PRKG1: variants seen among roughly 807,000 people sequenced by gnomAD.
PRKG1 encodes the protein protein kinase cGMP-dependent 1.
In PRKG1, 35 loss-of-function variants were observed where a neutral mutation model predicts 88.1. That is an observed-to-expected ratio of 0.40 (90% confidence interval 0.30 to 0.53). PRKG1 has a LOEUF of 0.53. PRKG1 is among the 20% of genes least tolerant of loss of function. The probability of loss-of-function intolerance (pLI) is 0.59; values close to 1 mark genes in which losing one functional copy is unlikely to be tolerated. For synonymous variants in PRKG1, 303 were observed against 292.5 expected (o/e 1.04, Z -0.37); for missense variants, 540 against 839.8 (o/e 0.64, Z 4.41).
chr10:51,808,839 G>A (rs187478693), intron 4 of PRKG1, among the ~76,000 whole-genome samples: 14 of 152,180 alleles, frequency 9.2e-5, no homozygotes, highest in African/African-American at 3.1e-4. Context: ...GAAAACTCTA[G>A]CAAAGGATCA....
intron 2 of PRKG1, among the ~76,000 whole-genome samples, chr10:51,175,022 A>C (rs1329496200): frequency 6.6e-6 from 1 of 151,984 alleles, no homozygotes; most frequent in Non-Finnish European, 1.5e-5. Flanking sequence ...ATGTAAAAGG[A>C]TTTGTGAATT....
In PRKG1 at chr10:51,941,703, G is replaced by A. The variant is rs184903723; in HGVS notation, c.762+34133G>A. On this transcript the variant is annotated intron_variant, in intron 5 of 17. Coordinates refer to ENST00000373980, the MANE Select transcript of PRKG1 (RefSeq NM_006258.4). ...CCACCTATGAATAAGAACATGTGGT[G>A]TTTGGTTTTTTGTCCTTGCGATAGT... Among the ~76,000 whole-genome samples the A allele has an allele frequency of 9.3e-5, 14 of 150,552 alleles. No individual in the cohort carries two copies. The East Asian group carries it at 2.7e-3, about 29-fold the overall frequency.
chr10:51,750,419 A>G (rs1475360103), intron 3 of PRKG1, among the ~76,000 whole-genome samples: 1 of 152,218 alleles, frequency 6.6e-6, no homozygotes, highest in African/African-American at 2.4e-5. Context: ...TTTTGCCTTT[A>G]CGGACATGTG....
chr10:51,814,110 C>A (rs1032708412), intron 4 of PRKG1, among the ~76,000 whole-genome samples: 1 of 152,112 alleles, frequency 6.6e-6, no homozygotes, highest in Non-Finnish European at 1.5e-5. Flanking sequence ...TAACCTCCTG[C>A]CTTTGAGTTC....
intron 2 of PRKG1, among the ~76,000 whole-genome samples, chr10:51,408,633 G>T (rs1430544143): frequency 6.6e-6 from 1 of 152,180 alleles, no homozygotes; most frequent in Admixed American, 6.5e-5. Flanking sequence ...GTTGGTCTCT[G>T]CTGCTGGCAA....
chr10:51,163,776 C>T (rs886792183), intron 2 of PRKG1, among the ~76,000 whole-genome samples: 78 of 152,308 alleles, frequency 5.1e-4, no homozygotes, highest in African/African-American at 1.8e-3. Context: ...CCTACGCCCA[C>T]GGAGTCTCGC....
rs562449851 is a variant in PRKG1, at chr10:52,295,379, T to A, written c.*1479T>A. 11 of 152,158 alleles carry A rather than the reference T, an allele frequency of 7.2e-5. No homozygotes were observed. The South Asian group carries it at 2.1e-3, about 29-fold the overall frequency. 9.4% of individuals were successfully genotyped at this position (152,158 alleles called of 1,614,324 possible). A position where few individuals can be genotyped will look rare whatever the true frequency, so the allele number is the denominator to read the frequency against. The stretch of plus-strand genomic sequence containing the variant: ...AATAGAATTACTACAATTCTGCAAT[T>A]TCATACTACCTAAAAAAGACTAGAT... On this transcript the variant is annotated 3_prime_UTR_variant, in exon 18 of 18. Coordinates refer to ENST00000373980, the MANE Select transcript of PRKG1 (RefSeq NM_006258.4).
At chr10:51,007,265 G>A (rs1033687489) in intron 1 of PRKG1, among the ~76,000 whole-genome samples, 1 of 152,192 alleles carries the variant, frequency 6.6e-6, no homozygotes, top group South Asian at 2.1e-4. Context: ...TTCTTAATTT[G>A]TAGTTATCTC....
In PRKG1 at chr10:51,776,157, T is replaced by C. The variant is rs188165939; in HGVS notation, c.593-28428T>C. ...TGTTTATCTACCCAAAGACCCCTGA[T>C]TAACATTCAAAAAATGATGTTATTT... On this transcript the variant is annotated intron_variant, in intron 3 of 17. Coordinates refer to ENST00000373980, the MANE Select transcript of PRKG1 (RefSeq NM_006258.4). Among the ~76,000 whole-genome samples the C allele has an allele frequency of 5.6e-4, 85 of 152,214 alleles. 2 individuals are homozygous for C. The East Asian group carries it at 0.012, about 21-fold the overall frequency.
chr10:51,699,492 C>G (rs1349452146), intron 3 of PRKG1: 1 of 1,613,742 alleles, frequency 6.2e-7, no homozygotes, highest in Non-Finnish European at 8.5e-7. Flanking sequence ...ATGTTCCCCA[C>G]GAACACGGAA....
At chr10:51,349,319 T>C (rs1231033837) in intron 2 of PRKG1, among the ~76,000 whole-genome samples, 6 of 152,202 alleles carry the variant, frequency 3.9e-5, no homozygotes, top group East Asian at 1.9e-4. Context: ...ACCATACTTA[T>C]ATCATCTCTG....
At chr10:51,104,782 T>A (rs190679800) in intron 1 of PRKG1, among the ~76,000 whole-genome samples, 30 of 151,848 alleles carry the variant, frequency 2.0e-4, no homozygotes, top group African/African-American at 5.8e-4. Context: ...CAGGCTGGAG[T>A]GCAATGACAC....
At position 51,170,650 on chromosome 10, in the gene PRKG1, C is replaced by T. The variant is rs117255469; in HGVS notation, c.478+17320C>T. 5.7e-3 allele frequency among the ~76,000 whole-genome samples: 860 copies of T among 151,122 alleles called. 3 individuals carry two copies. Among genetic ancestry groups the T allele is most frequent in the South Asian group, 9.0e-3 (43 of 4,770 alleles). ...TAGTGCTGATATTTGGGGAGAAGAG[C>T]ATTTTATGCAGAGGGAATAAATGTG... On this transcript the variant is annotated intron_variant, in intron 2 of 17. Transcript: ENST00000373980.
intron 7 of PRKG1, among the ~76,000 whole-genome samples, chr10:52,106,541 C>G (rs1847427077): frequency 6.6e-6 from 1 of 151,942 alleles, no homozygotes; most frequent in Admixed American, 6.6e-5. Context: ...TAGGCCAGCA[C>G]TTCATGGTTT....
intron 1 of PRKG1, among the ~76,000 whole-genome samples, chr10:50,994,401 A>ATTTT (rs562018970): frequency 1.3e-4 from 11 of 87,680 alleles, no homozygotes; most frequent in East Asian, 3.1e-4. Flanking sequence ...CTCACCTGTA[A>ATTTT]TTTTTTTTTT....
intron 3 of PRKG1, among the ~76,000 whole-genome samples, chr10:51,661,052 A>G (rs1014353500): frequency 6.6e-6 from 1 of 151,914 alleles, no homozygotes; most frequent in East Asian, 1.9e-4. Context: ...GTTAGAATGG[A>G]TTTTCCAAAA....
chr10:51,665,654 G>T (rs1465801385), intron 3 of PRKG1, among the ~76,000 whole-genome samples: 1 of 151,790 alleles, frequency 6.6e-6, no homozygotes, highest in Non-Finnish European at 1.5e-5. Flanking sequence ...TTTTTGAAAT[G>T]TTGTTTCAAC....
intron 5 of PRKG1, among the ~76,000 whole-genome samples, chr10:51,920,973 T>C (rs1017288209): frequency 1.3e-5 from 2 of 152,108 alleles, no homozygotes; most frequent in African/African-American, 4.8e-5. Flanking sequence ...ATTAAAATAT[T>C]ATTTTTAATT....
chr10:51,840,727 G>T (rs551091818), intron 4 of PRKG1, among the ~76,000 whole-genome samples: 26 of 152,024 alleles, frequency 1.7e-4, no homozygotes, highest in African/African-American at 6.3e-4. Context: ...TTTATTCTTA[G>T]CAGAGACGGG....
Sources: allele counts gnomAD v4.1 joint callset (sites outside exome capture counted in the v4.1 genomes callset), GRCh38; gene constraint gnomAD v4.1.1; transcripts MANE v1.5; gene names NCBI Gene and HGNC (gene_info 2026-07-23, HGNC 2026-07-21).